CAMK2D: variants seen among roughly 807,000 people sequenced by gnomAD.
CAMK2D encodes calcium/calmodulin dependent protein kinase II delta, also known as calcium/calmodulin-dependent protein kinase type II subunit delta.
A neutral mutation model predicts 84.0 loss-of-function variants in CAMK2D; 37 were observed. The observed-to-expected ratio is 0.44, with a 90% CI of 0.34 to 0.58. The LOEUF (loss-of-function observed/expected upper bound fraction) is 0.58, where lower values mean the gene tolerates loss of function less well. CAMK2D is among the 20% of genes least tolerant of loss of function. The pLI, the probability that CAMK2D is intolerant of heterozygous loss-of-function variation, is 0.02. For missense variants in CAMK2D, 448 were observed against 652.5 expected, an observed-to-expected ratio of 0.69 and a Z score of 3.41; for synonymous variants, 202 against 212.5, an observed-to-expected ratio of 0.95 and a Z score of 0.43.
intron 2 of CAMK2D, among the ~76,000 whole-genome samples, chr4:113,670,291 A>G (rs1197070032): frequency 6.7e-6 from 1 of 150,336 alleles, no homozygotes; most frequent in Non-Finnish European, 1.5e-5. Flanking sequence ...CAAAAAATAA[A>G]TAAATAAACA....
chr4:113,690,161 G>T (rs1166442941), intron 2 of CAMK2D, among the ~76,000 whole-genome samples: 1 of 152,112 alleles, frequency 6.6e-6, no homozygotes, highest in Admixed American at 6.5e-5. Flanking sequence ...AAAATTTGAT[G>T]ACCAAGGAAA....
chr4:113,733,477 GT>G (rs1185056595), intron 2 of CAMK2D, among the ~76,000 whole-genome samples: 1 of 152,158 alleles, frequency 6.6e-6, no homozygotes. Flanking sequence ...GAACATCTGG[GT>G]TTTTTCTCTA....
intron 16 of CAMK2D, among the ~76,000 whole-genome samples, chr4:113,467,060 T>C (rs1297703343): frequency 1.3e-5 from 2 of 152,226 alleles, no homozygotes; most frequent in Non-Finnish European, 2.9e-5. Context: ...TTTTCTTGAT[T>C]TCAGAACACT....
intron 2 of CAMK2D, among the ~76,000 whole-genome samples, chr4:113,719,297 AT>A (rs1443960829): frequency 6.6e-6 from 1 of 152,182 alleles, no homozygotes; most frequent in Non-Finnish European, 1.5e-5. Context: ...AAATTCTCAA[AT>A]AGGCCAGTTC....
intron 13 of CAMK2D, chr4:113,508,138 C>T (rs1222678474): frequency 7.2e-6 from 6 of 828,144 alleles, no homozygotes; most frequent in African/African-American, 3.4e-5. Context: ...AATGGTCCTA[C>T]ACCCTCTCCA....
intron 4 of CAMK2D, among the ~76,000 whole-genome samples, chr4:113,574,095 T>A (rs1219635087): frequency 6.6e-6 from 1 of 152,166 alleles, no homozygotes; most frequent in East Asian, 1.9e-4. Context: ...TCACGCTAAA[T>A]CCTTAGCTCC....
At chr4:113,664,739 GTA>G (rs2099250986) in intron 2 of CAMK2D, among the ~76,000 whole-genome samples, 1 of 151,552 alleles carries the variant, frequency 6.6e-6, no homozygotes, top group Admixed American at 6.6e-5. Context: ...CAATTTCAAT[GTA>G]CAAGGGCATG....
intron 16 of CAMK2D, among the ~76,000 whole-genome samples, chr4:113,492,254 T>C (rs1361377844): frequency 6.6e-6 from 1 of 152,198 alleles, no homozygotes; most frequent in African/African-American, 2.4e-5. Context: ...TTTTGGATCT[T>C]TCCTGCTTTC....
intron 3 of CAMK2D, among the ~76,000 whole-genome samples, chr4:113,633,376 T>C (rs1258327853): frequency 2.0e-5 from 3 of 152,176 alleles, no homozygotes; most frequent in African/African-American, 7.2e-5. Flanking sequence ...AGGACATGAT[T>C]CAGGCAGCTT....
At chr4:113,503,505 C>T (rs1027531795) in intron 14 of CAMK2D, among the ~76,000 whole-genome samples, 22 of 152,154 alleles carry the variant, frequency 1.4e-4, no homozygotes, top group African/African-American at 4.8e-4. Context: ...AAAGACTATA[C>T]TAAAGAATCC....
chr4:113,680,502 C>T (rs537866171), intron 2 of CAMK2D, among the ~76,000 whole-genome samples: 1 of 152,246 alleles, frequency 6.6e-6, no homozygotes, highest in East Asian at 1.9e-4. Context: ...TCTGAATGGC[C>T]TATCTCTATG....
intron 16 of CAMK2D, among the ~76,000 whole-genome samples, chr4:113,499,507 T>C (rs1315896961): frequency 6.6e-6 from 1 of 152,200 alleles, no homozygotes; most frequent in Non-Finnish European, 1.5e-5. Flanking sequence ...CCAAATCCTT[T>C]ATTCTAAAAT....
At chr4:113,529,288 G>C (rs1301146740) in intron 8 of CAMK2D, among the ~76,000 whole-genome samples, 1 of 152,174 alleles carries the variant, frequency 6.6e-6, no homozygotes, top group Admixed American at 6.5e-5. Flanking sequence ...TGTTACCAAA[G>C]AGGTAAAGCT....
chr4:113,675,285 GATGA>G (rs1293229247), intron 2 of CAMK2D, among the ~76,000 whole-genome samples: 1 of 152,128 alleles, frequency 6.6e-6, no homozygotes, highest in Non-Finnish European at 1.5e-5. Context: ...TTTACATTTT[GATGA>G]ATGTCTTGCC....
chr4:113,686,077 GT>G (rs1212242938), intron 2 of CAMK2D, among the ~76,000 whole-genome samples: 7 of 149,726 alleles, frequency 4.7e-5, no homozygotes, highest in Admixed American at 4.0e-4. Context: ...AAAAAAAAAA[GT>G]GATAAACTAA....
intron 16 of CAMK2D, among the ~76,000 whole-genome samples, chr4:113,466,464 A>G (rs568149029): frequency 6.6e-6 from 1 of 152,268 alleles, no homozygotes; most frequent in African/African-American, 2.4e-5. Context: ...TGAACTTTAT[A>G]TAATTATTTG....
At chr4:113,537,266 T>C (rs533926298) in intron 7 of CAMK2D, 75 bp downstream of exon 7, 2 of 718,066 alleles carry the variant, frequency 2.8e-6, no homozygotes, top group Admixed American at 5.2e-5. Flanking sequence ...TTATTTTCAC[T>C]AGGAAGTGGG....
intron 2 of CAMK2D, among the ~76,000 whole-genome samples, chr4:113,747,343 C>A (rs185072740): frequency 2.7e-5 from 4 of 145,918 alleles, no homozygotes; most frequent in Non-Finnish European, 6.0e-5. Context: ...AAAGCGTATG[C>A]AAATCTTACT....
chr4:113,531,229 A>G lies in CAMK2D; in HGVS notation c.588T>C (p.Asp196=). Residue 196 remains aspartate (D), a synonymous_variant, in exon 8 of 21, where the codon GAT becomes GAC. Coordinates refer to ENST00000511664, the MANE Select transcript of CAMK2D (RefSeq NM_001321571.2). The part of the protein sequence containing the change: ...LRKDPYGKPV[D]MWACGVILYI... ...ATAATTGCTTACCACATGCCCACAT[A>G]TCCACTGGCTTTCCATAAGGATCTT... 1 of 1,585,212 alleles carries G rather than the reference A, an allele frequency of 6.3e-7. No individual in the cohort carries two copies. Among genetic ancestry groups the G allele is most frequent in the Non-Finnish European group, 8.7e-7 (1 of 1,153,710 alleles).
Sources: allele counts gnomAD v4.1 joint callset (sites outside exome capture counted in the v4.1 genomes callset), GRCh38; gene constraint gnomAD v4.1.1; transcripts MANE v1.5; gene names NCBI Gene and HGNC (gene_info 2026-07-23, HGNC 2026-07-21).